Variants in SPANXN4 observed in about 807,000 individuals in gnomAD.
SPANXN4 encodes the protein SPANX family member N4.
A neutral mutation model predicts 6.0 loss-of-function variants in SPANXN4; 5 were observed. The observed-to-expected ratio is 0.83, with a 90% CI of 0.44 to 1.75. The LOEUF (loss-of-function observed/expected upper bound fraction) is 1.75. SPANXN4 is among the 40% of genes most tolerant of loss of function. The pLI is 0.02. For missense variants in SPANXN4, 157 were observed against 108.6 expected, an observed-to-expected ratio of 1.45 and a Z score of -1.98; for synonymous variants, 45 against 38.0, an observed-to-expected ratio of 1.19 and a Z score of -0.68.
chrX:143,032,872 T>A (rs938619919), intron 1 of SPANXN4, among the ~76,000 whole-genome samples: 1 of 110,644 alleles, frequency 9.0e-6, no homozygotes, highest in Non-Finnish European at 1.9e-5. Context: ...ACCCAATTCC[T>A]CCCAGGAGAA....
chrX:143,028,886 T>C (rs1250819574), intron 1 of SPANXN4, among the ~76,000 whole-genome samples: 1 of 111,268 alleles, frequency 9.0e-6, no homozygotes, highest in Non-Finnish European at 1.9e-5. Flanking sequence ...GGTCGAAGAA[T>C]GTATTTAAGC....
exon 2 of SPANXN4, chrX:143,034,029 A>G (rs952344692): frequency 8.6e-7 from 1 of 1,167,184 alleles, no homozygotes; most frequent in African/African-American, 1.8e-5. Context: ...TACCAGAAGA[A>G]GAAGAATCTG....
downstream of SPANXN4, among the ~76,000 whole-genome samples, chrX:143,037,950 T>A (rs2124374199): frequency 9.0e-6 from 1 of 111,725 alleles, no homozygotes; most frequent in Admixed American, 9.5e-5. Flanking sequence ...ATTTTTTTAA[T>A]AAATTACCCA....
intron 1 of SPANXN4, among the ~76,000 whole-genome samples, chrX:143,030,595 CAA>C (rs61606384): frequency 1.3e-4 from 13 of 98,065 alleles, no homozygotes; most frequent in African/African-American, 1.1e-4. Flanking sequence ...TACATGAAAG[CAA>C]AAAAAAAAAA....
downstream of SPANXN4, among the ~76,000 whole-genome samples, chrX:143,036,009 A>G (rs1176189165): frequency 9.6e-6 from 1 of 104,586 alleles, no homozygotes; most frequent in East Asian, 3.0e-4. Context: ...GAGATCAGGT[A>G]ATCTTTTTCT....
intron 1 of SPANXN4, among the ~76,000 whole-genome samples, chrX:143,031,768 G>A (rs1932810901): frequency 1.0e-5 from 1 of 99,098 alleles, no homozygotes; most frequent in Non-Finnish European, 2.2e-5. Context: ...GTCTTTGGGA[G>A]GTTTGAGGGC....
At chrX:143,038,593 G>A (rs1437498935), downstream of SPANXN4, among the ~76,000 whole-genome samples, 1 of 111,690 alleles carries the variant, frequency 9.0e-6, no homozygotes, top group Non-Finnish European at 1.9e-5. Context: ...GCTTTCTCCA[G>A]TATATTGTAA....
intron 1 of SPANXN4, among the ~76,000 whole-genome samples, chrX:143,032,371 C>T (rs1932815265): frequency 9.1e-6 from 1 of 109,747 alleles, no homozygotes; most frequent in African/African-American, 3.3e-5. Context: ...GGGTGTGAGA[C>T]CTGGTTTGTG....
chrX:143,032,867 A>G (rs1191795808), intron 1 of SPANXN4, among the ~76,000 whole-genome samples: 1 of 110,875 alleles, frequency 9.0e-6, no homozygotes, highest in Non-Finnish European at 1.9e-5. Flanking sequence ...TGACTACCCA[A>G]TTCCTCCCAG....
At chrX:143,027,446 G>A (rs1251033586) in intron 1 of SPANXN4, among the ~76,000 whole-genome samples, 1 of 111,124 alleles carries the variant, frequency 9.0e-6, no homozygotes, top group Non-Finnish European at 1.9e-5. Context: ...GAGGGGAGGG[G>A]TTGGTAAGAG....
chrX:143,026,232 A>C, intron 1 of SPANXN4, 140 bp downstream of exon 1: 2 of 503,526 alleles, frequency 4.0e-6, no homozygotes, highest in South Asian at 7.3e-5. Context: ...CCACCGCTAC[A>C]TACAGGCCAG....
chrX:143,034,401 C>T, intron 2 of SPANXN4, 90 bp downstream of exon 2: 1 of 1,066,772 alleles, frequency 9.4e-7, no homozygotes, highest in Non-Finnish European at 1.2e-6. Context: ...ATATGAGATC[C>T]TGTAGCATTG....
At chrX:143,029,364 T>A (rs1932795996) in intron 1 of SPANXN4, among the ~76,000 whole-genome samples, 1 of 111,635 alleles carries the variant, frequency 9.0e-6, no homozygotes, top group South Asian at 3.7e-4. Flanking sequence ...ATGTTAACTC[T>A]CTTTCCGTTT....
chrX:143,034,681 T>C (rs1189730294), exon 3 of SPANXN4: 1 of 1,147,161 alleles, frequency 8.7e-7, no homozygotes, highest in Non-Finnish European at 1.2e-6. Context: ...ACTCACCCAA[T>C]GCTGTGAGCA....
At chrX:143,034,342 A>G (rs1932831874) in intron 2 of SPANXN4, 31 bp downstream of exon 2, 4 of 1,033,497 alleles carry the variant, frequency 3.9e-6, no homozygotes, top group Non-Finnish European at 5.1e-6. Flanking sequence ...TTTTTTTCTG[A>G]TGGTGGGGAG....
chrX:143,030,872 A>G (rs1451105359), intron 1 of SPANXN4, among the ~76,000 whole-genome samples: 1 of 111,468 alleles, frequency 9.0e-6, no homozygotes, highest in Non-Finnish European at 1.9e-5. Flanking sequence ...CTTTACAGAT[A>G]ATAGGCTTGA....
chrX:143,029,712 G>A (rs1052087350), intron 1 of SPANXN4, among the ~76,000 whole-genome samples: 3 of 111,186 alleles, frequency 2.7e-5, no homozygotes, highest in African/African-American at 9.8e-5. Context: ...AGTAAGGCAT[G>A]TACCTGCTAT....
At chrX:143,032,408 C>T (rs1034200240) in intron 1 of SPANXN4, among the ~76,000 whole-genome samples, 4 of 107,525 alleles carry the variant, frequency 3.7e-5, no homozygotes, top group Non-Finnish European at 5.8e-5. Flanking sequence ...GGATGGAGGG[C>T]GACAGTAAAG....
intron 1 of SPANXN4, among the ~76,000 whole-genome samples, chrX:143,026,418 G>A (rs749671370): frequency 3.6e-5 from 4 of 111,256 alleles, no homozygotes; most frequent in Admixed American, 9.6e-5. Flanking sequence ...TTTTTAGATG[G>A]GCCTTTATCC....
Sources: allele counts gnomAD v4.1 joint callset (sites outside exome capture counted in the v4.1 genomes callset), GRCh38; gene constraint gnomAD v4.1.1; transcripts MANE v1.5; gene names NCBI Gene and HGNC (gene_info 2026-07-23, HGNC 2026-07-21).